The following FOXP2 variants were observed in gnomAD, a reference collection of about 807,000 sequenced individuals.
FOXP2 encodes forkhead box P2, also known as forkhead box protein P2.
Under a neutral mutation model 115.8 loss-of-function variants are expected in FOXP2, and 12 were observed. The observed-to-expected ratio is 0.10, with a 90% CI of 0.07 to 0.17. FOXP2 has a LOEUF of 0.17. Ranked by LOEUF, FOXP2 falls within the 10% of genes least tolerant of loss-of-function variation. The pLI, the probability that FOXP2 is intolerant of heterozygous loss-of-function variation, is 1.00. For missense variants in FOXP2, 629 were observed against 843.5 expected (o/e 0.75, Z 3.15); for synonymous variants, 328 against 297.7 (o/e 1.10, Z -1.05).
At chr7:114,574,969 C>G (rs1246148957) in intron 3 of FOXP2, among the ~76,000 whole-genome samples, 1 of 151,874 alleles carries the variant, frequency 6.6e-6, no homozygotes, top group Non-Finnish European at 1.5e-5. Context: ...TGTTTATCTC[C>G]TGAATGGTTC....
intron 1 of FOXP2, among the ~76,000 whole-genome samples, chr7:114,193,059 T>C (rs1793805374): frequency 6.6e-6 from 1 of 152,122 alleles, no homozygotes; most frequent in Admixed American, 6.5e-5. Flanking sequence ...TATATTAACA[T>C]TATTTATAGT....
intron 2 of FOXP2, among the ~76,000 whole-genome samples, chr7:114,396,604 G>C (rs757477839): frequency 6.6e-6 from 1 of 151,586 alleles, no homozygotes; most frequent in South Asian, 2.1e-4. Context: ...ATTCATATGT[G>C]GAATCTTAAA....
At chr7:114,316,286 A>G (rs1325181617) in intron 2 of FOXP2, among the ~76,000 whole-genome samples, 1 of 152,214 alleles carries the variant, frequency 6.6e-6, no homozygotes, top group Non-Finnish European at 1.5e-5. Context: ...ATACATGTAT[A>G]ATTATCGAAA....
Position 114,177,736 on chromosome 7 carries a change from G to A in FOXP2, c.-102+14648G>A, listed in dbSNP as rs187278585. ...TGTATGACATAATATTTTCATATAT[G>A]TATATTTTGTGTACTGGCTAAATGA... On this transcript the variant is annotated intron_variant, in intron 1 of 17. Coordinates refer to the FOXP2 transcript ENST00000634411. 3.1e-3 allele frequency among the ~76,000 whole-genome samples: 471 copies of A among 151,926 alleles called. 5 individuals are homozygous for A. The highest frequency in any genetic ancestry group is 4.9e-3 in the Non-Finnish European group (334 of 67,834).
intron 1 of FOXP2, among the ~76,000 whole-genome samples, chr7:114,273,048 C>CT (rs1239580990): frequency 6.6e-6 from 1 of 151,794 alleles, no homozygotes; most frequent in African/African-American, 2.4e-5. Flanking sequence ...GATTTCATAT[C>CT]TTTTTTTCTT....
At chr7:114,675,367 C>T (rs1230464722) in intron 16 of FOXP2, among the ~76,000 whole-genome samples, 1 of 151,650 alleles carries the variant, frequency 6.6e-6, no homozygotes, top group Non-Finnish European at 1.5e-5. Context: ...TTATATTTTC[C>T]AATATGTCAG....
chr7:114,499,872 A>G (rs1446316215), intron 2 of FOXP2: 2 of 152,170 alleles, frequency 1.3e-5, no homozygotes, highest in Non-Finnish European at 2.9e-5. Context: ...TTGCCAGGAA[A>G]TAGAATTCAA....
intron 1 of FOXP2, among the ~76,000 whole-genome samples, chr7:114,140,425 C>T (rs1027549542): frequency 6.6e-6 from 1 of 152,076 alleles, no homozygotes; most frequent in Non-Finnish European, 1.5e-5. Flanking sequence ...CTGACGTGCA[C>T]GGTTTCTTAA....
rs542201305 is a variant in FOXP2 at position 114,545,975 on chromosome 7, T to C, written c.258+11269T>C. Among the ~76,000 whole-genome samples, 14 of 152,306 alleles carry C rather than the reference T, an allele frequency of 9.2e-5. No homozygotes were observed. The South Asian group carries it at 2.1e-3, about 23-fold the overall frequency. ...CTATTCTTATATGTATCACACCGAA[T>C]CATAATTACTATAAGCTTCTTGAGG... On this transcript the variant is annotated intron_variant, in intron 3 of 16. Transcript: ENST00000350908.
intron 2 of FOXP2, among the ~76,000 whole-genome samples, chr7:114,465,436 GA>G (rs1795760497): frequency 6.6e-6 from 1 of 152,170 alleles, no homozygotes; most frequent in African/African-American, 2.4e-5. Context: ...AGGATGCATA[GA>G]AACTTATTAG....
chr7:114,678,666 AAATTAAAAAT>A (rs1242234847), intron 16 of FOXP2, among the ~76,000 whole-genome samples: 1 of 151,350 alleles, frequency 6.6e-6, no homozygotes, highest in Non-Finnish European at 1.5e-5. Flanking sequence ...CACAGATGAA[AAATTAAAAAT>A]AAATAAAATG....
intron 1 of FOXP2, among the ~76,000 whole-genome samples, chr7:114,101,050 T>TA (rs1790936949): frequency 1.3e-5 from 2 of 151,834 alleles, no homozygotes; most frequent in African/African-American, 4.8e-5. Context: ...GTTACTAATA[T>TA]TATAGCAAGC....
chr7:114,565,093 G>T (rs1800941589), intron 3 of FOXP2, among the ~76,000 whole-genome samples: 2 of 147,892 alleles, frequency 1.4e-5, no homozygotes, highest in Non-Finnish European at 3.0e-5. Flanking sequence ...TTTATTGTAT[G>T]CAACCAATTT....
chr7:114,252,662 G>A (rs539618369), intron 1 of FOXP2, among the ~76,000 whole-genome samples: 5 of 151,972 alleles, frequency 3.3e-5, no homozygotes, highest in South Asian at 2.1e-4. Context: ...TTTTTATTAC[G>A]TCTATTTGAT....
intron 2 of FOXP2, among the ~76,000 whole-genome samples, chr7:114,510,755 G>A (rs1174121384): frequency 3.9e-5 from 6 of 152,186 alleles, no homozygotes; most frequent in South Asian, 2.1e-4. Context: ...TACACTGTTG[G>A]TGGGAGTATA....
intron 2 of FOXP2, among the ~76,000 whole-genome samples, chr7:114,329,135 T>C (rs893404611): frequency 6.6e-6 from 1 of 152,256 alleles, no homozygotes; most frequent in Non-Finnish European, 1.5e-5. Flanking sequence ...GCTGTTTGCC[T>C]TTAGTTATTT....
chr7:114,551,435 G>A (rs1387452425), intron 3 of FOXP2, among the ~76,000 whole-genome samples: 1 of 152,106 alleles, frequency 6.6e-6, no homozygotes, highest in Non-Finnish European at 1.5e-5. Context: ...TTTTTAGAGT[G>A]TTCTATGGAA....
intron 1 of FOXP2, among the ~76,000 whole-genome samples, chr7:114,135,073 T>C (rs1839560): frequency 0.98 from 149,008 of 152,336 alleles, 72,974 homozygotes; most frequent in East Asian, 1. Context: ...TATATTCATA[T>C]AGGAAGAATT....
chr7:114,621,108 G>A (rs558383555), intron 3 of FOXP2, among the ~76,000 whole-genome samples: 1 of 151,886 alleles, frequency 6.6e-6, no homozygotes, highest in Non-Finnish European at 1.5e-5. Flanking sequence ...GTTAATTTTT[G>A]CACATGAAGC....
Sources: allele counts gnomAD v4.1 joint callset (sites outside exome capture counted in the v4.1 genomes callset), GRCh38; gene constraint gnomAD v4.1.1; transcripts MANE v1.5; gene names NCBI Gene and HGNC (gene_info 2026-07-23, HGNC 2026-07-21).